TXNRD1: variants seen among roughly 807,000 people sequenced by gnomAD.
The protein encoded by TXNRD1 is thioredoxin reductase 1, cytoplasmic.
TXNRD1 carries 57 observed loss-of-function variants against 80.3 expected under a neutral mutation model. The ratio of observed to expected loss-of-function variants is 0.71; its 90% CI spans 0.57 to 0.89. TXNRD1 has a LOEUF of 0.89. Among genes scored for constraint, TXNRD1 ranks in the 40% least tolerant of loss-of-function variants. The pLI is 0.00. For synonymous variants in TXNRD1, 291 were observed against 285.2 expected, an observed-to-expected ratio of 1.02 and a Z score of -0.20; for missense variants, 730 against 803.0, an observed-to-expected ratio of 0.91 and a Z score of 1.10.
At chr12:104,281,471 A>T (rs1235643285) in intron 3 of TXNRD1, among the ~76,000 whole-genome samples, 1 of 124,100 alleles carries the variant, frequency 8.1e-6, no homozygotes, top group African/African-American at 3.3e-5. Context: ...CAGTGGTGGG[A>T]TCTCGGCTCA....
Position 104,348,541 on chromosome 12 carries a change from C to T in TXNRD1, c.*120C>T. The T allele has an allele frequency of 2.2e-6, 2 of 906,238 alleles. No homozygotes were observed. The highest frequency in any genetic ancestry group is 4.9e-5 in the East Asian group (2 of 40,680). 56.1% of individuals were successfully genotyped at this position (906,238 alleles called of 1,614,324 possible). ...TTGGCACCTGCGTGTCCTGTGCTTA[C>T]CACCGCCCAAGGCCCCCTTGGATCT... On this transcript the variant is annotated 3_prime_UTR_variant, in exon 17 of 17. Coordinates refer to ENST00000525566, the MANE Select transcript of TXNRD1 (RefSeq NM_001093771.3).
rs529669899 is a variant in TXNRD1, at chr12:104,317,597, T to C, written c.731-1316T>C. Among the ~76,000 whole-genome samples, 6 of 152,248 alleles carry C rather than the reference T, an allele frequency of 3.9e-5. No individual in the cohort carries two copies. In the South Asian group the frequency reaches 1.2e-3, roughly 32 times the overall value. On this transcript the variant is annotated intron_variant, in intron 7 of 16. Coordinates refer to ENST00000525566, the MANE Select transcript of TXNRD1 (RefSeq NM_001093771.3). The stretch of plus-strand genomic sequence containing the variant: ...GATCATGCCTGTAATCCCAACAGTT[T>C]AGGAGGCCAAGGGGAAAGGATCAGT...
chr12:104,331,349 T>G lies in TXNRD1; in HGVS notation c.1543-185T>G, dbSNP rs376370259. On this transcript the variant is annotated intron_variant, in intron 13 of 16. Coordinates refer to ENST00000525566, the MANE Select transcript of TXNRD1 (RefSeq NM_001093771.3). ...ACTTCACACTTCTATCCACTAAACT[T>G]TTCAAATAAGTTAATGGTTCTCAAT... is the stretch of plus-strand genomic sequence containing the variant. Among the ~76,000 whole-genome samples, 14 of 152,332 alleles carry G rather than the reference T, an allele frequency of 9.2e-5. No homozygotes were observed. In the East Asian group the frequency reaches 1.7e-3, roughly 19 times the overall value.
intron 15 of TXNRD1, among the ~76,000 whole-genome samples, chr12:104,337,001 A>G (rs1406437683): frequency 3.4e-5 from 5 of 149,094 alleles, no homozygotes; most frequent in Non-Finnish European, 6.1e-5. Context: ...TTTGAAGTCG[A>G]AGGGTCTCAT....
chr12:104,340,522 C>T (rs2036285451), intron 16 of TXNRD1, among the ~76,000 whole-genome samples: 1 of 152,206 alleles, frequency 6.6e-6, no homozygotes, highest in South Asian at 2.1e-4. Flanking sequence ...CCTCCAAAGG[C>T]ACTAGGGAAG....
At chr12:104,344,691 A>C (rs1035999973) in intron 16 of TXNRD1, among the ~76,000 whole-genome samples, 2 of 152,172 alleles carry the variant, frequency 1.3e-5, no homozygotes, top group Non-Finnish European at 2.9e-5. Context: ...ATCTAGCTGT[A>C]GTTTTATATC....
intron 6 of TXNRD1, among the ~76,000 whole-genome samples, chr12:104,315,089 A>T (rs971515630): frequency 6.6e-6 from 1 of 152,214 alleles, no homozygotes; most frequent in African/African-American, 2.4e-5. Flanking sequence ...CTGCACTCTA[A>T]TCATCCCCAG....
intron 4 of TXNRD1, chr12:104,309,824 G>A (rs987497410): frequency 2.0e-6 from 3 of 1,535,012 alleles, no homozygotes; most frequent in Non-Finnish European, 1.7e-6. Flanking sequence ...GTGTTTACCA[G>A]CCTCTTGTGC....
Position 104,317,000 on chromosome 12 carries a change from A to T in TXNRD1, c.730+1104A>T, listed in dbSNP as rs887541365. Among the ~76,000 whole-genome samples the T allele has an allele frequency of 2.6e-5, 4 of 152,178 alleles. No individual in the cohort carries two copies. In the South Asian group the frequency reaches 8.3e-4, roughly 32 times the overall value. ...CAAACTAGTTATGCTTCTCTTGTTG[A>T]TGCTTTTACTTCCTACTTAAAATAA... On this transcript the variant is annotated intron_variant, in intron 7 of 16. Coordinates refer to ENST00000525566, the MANE Select transcript of TXNRD1 (RefSeq NM_001093771.3).
At chr12:104,320,271 G>A (rs1453767878) in intron 9 of TXNRD1, among the ~76,000 whole-genome samples, 1 of 152,212 alleles carries the variant, frequency 6.6e-6, no homozygotes, top group Non-Finnish European at 1.5e-5. Context: ...TTCTGATTGT[G>A]TTATAAATTA....
chr12:104,261,143 A>G (rs2033359844), intron 3 of TXNRD1, among the ~76,000 whole-genome samples: 1 of 150,726 alleles, frequency 6.6e-6, no homozygotes, highest in East Asian at 1.9e-4. Flanking sequence ...CCCCAGTTAT[A>G]CTTCCCTTGC....
intron 4 of TXNRD1, among the ~76,000 whole-genome samples, chr12:104,305,972 C>T (rs2034897741): frequency 6.6e-6 from 1 of 152,210 alleles, no homozygotes; most frequent in East Asian, 1.9e-4. Flanking sequence ...GGTGCAATCT[C>T]GGCCCACTGC....
At chr12:104,273,578 G>C (rs1367699813) in intron 3 of TXNRD1, among the ~76,000 whole-genome samples, 1 of 152,126 alleles carries the variant, frequency 6.6e-6, no homozygotes, top group East Asian at 1.9e-4. Context: ...GGGCAACAGA[G>C]TGAGAATCCA....
intron 7 of TXNRD1, among the ~76,000 whole-genome samples, chr12:104,316,257 A>G (rs1358181667): frequency 1.6e-5 from 2 of 122,988 alleles, no homozygotes; most frequent in African/African-American, 6.3e-5. Flanking sequence ...AGTCTGTTTC[A>G]TGAGCTGATG....
chr12:104,284,838 C>G (rs538790580), intron 3 of TXNRD1, among the ~76,000 whole-genome samples: 6 of 152,150 alleles, frequency 3.9e-5, no homozygotes, highest in African/African-American at 1.4e-4. Context: ...AAGAATGAGC[C>G]CAGTCAAGAG....
Position 104,307,395 on chromosome 12 carries a change from T to C in TXNRD1, c.415-3895T>C, listed in dbSNP as rs576405907. Reference sequence around the variant, plus strand: ...AGTGTAAATACATTCCAGCACTTCTTGACTTAGTTCCAGGCAATTTCCCTT... The same window carrying C: ...AGTGTAAATACATTCCAGCACTTCTCGACTTAGTTCCAGGCAATTTCCCTT... On this transcript the variant is annotated intron_variant, in intron 4 of 16. Transcript: ENST00000525566. 6.6e-5 allele frequency among the ~76,000 whole-genome samples: 10 copies of C among 152,316 alleles called. No individual in the cohort carries two copies. The South Asian group carries it at 1.4e-3, about 22-fold the overall frequency.
At chr12:104,246,160 G>C (rs755671455) in intron 1 of TXNRD1, among the ~76,000 whole-genome samples, 6 of 145,256 alleles carry the variant, frequency 4.1e-5, no homozygotes, top group Non-Finnish European at 9.0e-5. Flanking sequence ...GGGCACAGTG[G>C]CTCACACCTG....
At chr12:104,334,823 C>A (rs2036077693) in intron 15 of TXNRD1, among the ~76,000 whole-genome samples, 1 of 152,170 alleles carries the variant, frequency 6.6e-6, no homozygotes, top group Admixed American at 6.5e-5. Context: ...TGGCACAGGG[C>A]CCTACACTTA....
In TXNRD1 at chr12:104,328,019, C is replaced by G. The variant is rs1032366192; in HGVS notation, c.1542+348C>G. ...ACTAAAAATACAAAAATTAGCTGGG[C>G]ATGGTGGCGCATGCCTGTAATCCCA... On this transcript the variant is annotated intron_variant, in intron 13 of 16. Transcript: ENST00000525566. Among the ~76,000 whole-genome samples, 5 of 151,758 alleles carry G rather than the reference C, an allele frequency of 3.3e-5. No individual in the cohort carries two copies. In the East Asian group the frequency reaches 7.8e-4, roughly 24 times the overall value.
Sources: gnomAD v4.1 joint callset for allele counts (sites outside exome capture counted in the v4.1 genomes callset) on GRCh38, gnomAD v4.1.1 for gene constraint, MANE v1.5 for transcripts, NCBI Gene and HGNC (gene_info 2026-07-23, HGNC 2026-07-21) for gene names.